Variants in TRMT1L observed in about 807,000 individuals in gnomAD.
The protein encoded by TRMT1L is tRNA (guanine(27)-N(2))-dimethyltransferase.
In TRMT1L, 28 loss-of-function variants were observed where a neutral mutation model predicts 81.6. The ratio of observed to expected loss-of-function variants is 0.34; its 90% CI spans 0.25 to 0.47. The LOEUF is 0.47. TRMT1L is among the 20% of genes least tolerant of loss of function. The pLI is 1.00. For synonymous variants in TRMT1L, 301 were observed against 303.2 expected (o/e 0.99, Z 0.07); for missense variants, 739 against 877.1 (o/e 0.84, Z 1.99).
intron 4 of TRMT1L, among the ~76,000 whole-genome samples, chr1:185,146,091 CTG>C (rs1242189630): frequency 2.6e-5 from 4 of 151,944 alleles, no homozygotes; most frequent in Admixed American, 6.6e-5. Flanking sequence ...ATGTAAATAA[CTG>C]TAAGTGCACA....
chr1:185,140,848 C>T (rs776487418), intron 7 of TRMT1L, among the ~76,000 whole-genome samples: 23 of 151,154 alleles, frequency 1.5e-4, no homozygotes, highest in Admixed American at 4.0e-4. Context: ...GGCATGGTGG[C>T]GCATGCTTGT....
In TRMT1L at chr1:185,137,723, C is replaced by G. The variant is rs377360983; in HGVS notation, c.1396G>C (p.Val466Leu). The change falls in exon 10 of 15, where the codon GTG (valine) becomes CTG (leucine). Residue 466 changes from valine to leucine, a missense_variant. By Grantham distance (32) the Val-to-Leu change is conservative (BLOSUM62 1). Transcript: ENST00000367506. ...GAAGTAGGTCCCCTCAAAACTCTCACAACTACCAACACAAAATGTTCCAGA... is the reference window on the plus strand; with the variant it reads ...GAAGTAGGTCCCCTCAAAACTCTCAGAACTACCAACACAAAATGTTCCAGA... ...VALEHFVLVV[V>L]RVLRGPTSAD... The G allele has an allele frequency of 1.1e-5, 18 of 1,614,006 alleles. No homozygotes were observed. In the African/African-American group the frequency reaches 2.4e-4, roughly 22 times the overall value.
At chr1:185,137,101 T>A (rs1652919785) in intron 10 of TRMT1L, among the ~76,000 whole-genome samples, 1 of 152,116 alleles carries the variant, frequency 6.6e-6, no homozygotes, top group Non-Finnish European at 1.5e-5. Context: ...AATAAGCAAC[T>A]GTTTCCATGT....
intron 1 of TRMT1L, among the ~76,000 whole-genome samples, chr1:185,155,232 G>A (rs1484517747): frequency 6.6e-6 from 1 of 152,200 alleles, no homozygotes; most frequent in East Asian, 1.9e-4. Context: ...GAGAATGCAT[G>A]CATTTCCCAA....
intron 6 of TRMT1L, 115 bp downstream of exon 6, chr1:185,143,790 TG>T (rs779951514): frequency 2.3e-5 from 20 of 882,884 alleles, no homozygotes; most frequent in Non-Finnish European, 3.0e-5. Context: ...TTAAAACAGA[TG>T]ATTTTTATTC....
In TRMT1L at chr1:185,119,790, A is replaced by T; in HGVS notation, c.*229T>A. 1 of 435,520 alleles carries T rather than the reference A, an allele frequency of 2.3e-6. No individual in the cohort carries two copies. Among genetic ancestry groups the T allele is most frequent in the East Asian group, 3.5e-5 (1 of 28,526 alleles). 27.0% of individuals were successfully genotyped at this position (435,520 alleles called of 1,614,324 possible). On this transcript the variant is annotated 3_prime_UTR_variant, in exon 15 of 15. Transcript: ENST00000367506. ...GGTGATCTCAGTGAGACTTGGCTTC[A>T]TATGAAATGTTTCCATTAAAATTTT...
At chr1:185,126,547 A>T (rs1179194220) in intron 11 of TRMT1L, among the ~76,000 whole-genome samples, 1 of 152,228 alleles carries the variant, frequency 6.6e-6, no homozygotes, top group Non-Finnish European at 1.5e-5. Flanking sequence ...ATATGATTTT[A>T]AATTATCAAA....
chr1:185,139,638 CTG>C, intron 8 of TRMT1L, 59 bp from the exon 9 acceptor site: 1 of 1,130,980 alleles, frequency 8.8e-7, no homozygotes, highest in Non-Finnish European at 1.2e-6. Context: ...AATTATACCA[CTG>C]TAATTATTTC....
chr1:185,147,151 T>A (rs954603452), intron 4 of TRMT1L, 31 bp downstream of exon 4: 1 of 1,521,646 alleles, frequency 6.6e-7, no homozygotes, highest in Non-Finnish European at 9.0e-7. Flanking sequence ...AGGACTAAAT[T>A]TAAAAATAAA....
chr1:185,150,506 A>T lies in TRMT1L; in HGVS notation c.347-14T>A, dbSNP rs1232673100. On this transcript the variant is annotated splice_polypyrimidine_tract_variant and intron_variant, in intron 2 of 14. Coordinates refer to ENST00000367506, the MANE Select transcript of TRMT1L (RefSeq NM_030934.5). ...CCTGTCTGTTGCCTTAAAAAGAAAA[A>T]AGAATCAATAAACAACAGAATATTC... is the stretch of plus-strand genomic sequence containing the variant. The T allele has an allele frequency of 6.4e-7, 1 of 1,562,266 alleles. No individual in the cohort carries two copies.
rs1653598543 is a variant in TRMT1L at position 185,156,666 on chromosome 1, T to A, written c.47A>T (p.Glu16Val). The A allele has an allele frequency of 1.2e-6, 2 of 1,611,660 alleles. No individual in the cohort carries two copies. Among genetic ancestry groups the A allele is most frequent in the Admixed American group, 1.7e-5 (1 of 59,848 alleles). The change falls in exon 1 of 15, where the codon GAG (glutamate) becomes GTG (valine). Residue 16 changes from glutamate (E) to valine (V), a missense_variant. Transcript: ENST00000367506. ...EEELLPLEKE[E>V]VEVAQVQVPT... is the part of the protein sequence containing the mutation. ...GACCTGGACCTGGGCCACCTCCACC[T>A]CCTCCTTCTCCAGGGGCAGCAGCTC...
chr1:185,154,671 G>A (rs373168300), intron 1 of TRMT1L, among the ~76,000 whole-genome samples: 21 of 152,174 alleles, frequency 1.4e-4, no homozygotes, highest in East Asian at 1.2e-3. Context: ...AGAGAAAGGA[G>A]CTTGGTTAAG....
intron 6 of TRMT1L, among the ~76,000 whole-genome samples, 167 bp downstream of exon 6, chr1:185,143,739 G>A (rs985363242): frequency 1.3e-5 from 2 of 151,706 alleles, no homozygotes; most frequent in Non-Finnish European, 2.9e-5. Flanking sequence ...TAAAGACATC[G>A]GCTTGTTAGA....
In TRMT1L at chr1:185,156,541, C is replaced by A; in HGVS notation, c.172G>T (p.Ala58Ser). Residue 58 changes from alanine to serine, a missense_variant, in exon 1 of 15, where the codon GCC (alanine) becomes TCC (serine). Physicochemically the swap from Ala to Ser is moderately conservative, Grantham distance 99. Transcript: ENST00000367506. ...TPASAPAPAP[A>S]LAQAPALSPS... ...GACAGGGCCGGAGCCTGGGCCAGGG[C>A]AGGGGCTGGGGCTGGAGCCGAGGCC... 6.2e-7 allele frequency: 1 copy of A among 1,611,418 alleles called. No individual in the cohort carries two copies. The highest frequency in any genetic ancestry group is 8.5e-7 in the Non-Finnish European group (1 of 1,178,828).
chr1:185,132,668 T>C (rs188443124), intron 10 of TRMT1L, among the ~76,000 whole-genome samples: 47 of 151,066 alleles, frequency 3.1e-4, no homozygotes, highest in African/African-American at 1.1e-3. Context: ...AGAGATATTT[T>C]AAGAGCATTC....
chr1:185,151,135 A>T (rs183415919), intron 2 of TRMT1L, among the ~76,000 whole-genome samples: 1 of 152,350 alleles, frequency 6.6e-6, no homozygotes, highest in East Asian at 1.9e-4. Context: ...ATGTATCTCA[A>T]ATAAAAACTT....
At position 185,148,200 on chromosome 1, in the gene TRMT1L, A is replaced by G. The variant is rs149158761; in HGVS notation, c.461-954T>C. Among the ~76,000 whole-genome samples the G allele has an allele frequency of 7.0e-4, 107 of 152,214 alleles. 1 individual carries two copies. In the East Asian group the frequency reaches 0.015, roughly 21 times the overall value. ...GTGTCTTCTGACAACTCCCAAATGC[A>G]TATCTTTAGCCCCACATTCTTCCTG... On this transcript the variant is annotated intron_variant, in intron 3 of 14. Coordinates refer to ENST00000367506, the MANE Select transcript of TRMT1L (RefSeq NM_030934.5).
At chr1:185,155,531 C>T (rs1042532047) in intron 1 of TRMT1L, among the ~76,000 whole-genome samples, 1 of 152,170 alleles carries the variant, frequency 6.6e-6, no homozygotes, top group Non-Finnish European at 1.5e-5. Flanking sequence ...CTATCTATAA[C>T]TATCTAACCT....
chr1:185,149,304 C>CTTT (rs369603781), intron 3 of TRMT1L, among the ~76,000 whole-genome samples: 6 of 139,950 alleles, frequency 4.3e-5, no homozygotes, highest in African/African-American at 7.8e-5. Context: ...TTTACTTCCT[C>CTTT]TTTTTTTTTT....
Sources: gnomAD v4.1 joint callset for allele counts (sites outside exome capture counted in the v4.1 genomes callset) on GRCh38, gnomAD v4.1.1 for gene constraint, MANE v1.5 for transcripts, NCBI Gene and HGNC (gene_info 2026-07-23, HGNC 2026-07-21) for gene names.